Variants in KAT5 observed in about 807,000 individuals in gnomAD.
KAT5 encodes histone acetyltransferase KAT5.
KAT5 carries 31 observed loss-of-function variants against 68.1 expected under a neutral mutation model. That is an observed-to-expected ratio of 0.46 (90% CI 0.34 to 0.61). KAT5 has a LOEUF of 0.61. Ranked by LOEUF, KAT5 falls within the 20% of genes least tolerant of loss-of-function variation. The pLI is 0.01. For missense variants in KAT5, 451 were observed against 725.5 expected, an observed-to-expected ratio of 0.62 and a Z score of 4.35; for synonymous variants, 365 against 292.6, an observed-to-expected ratio of 1.25 and a Z score of -2.52.
Position 65,715,144 on chromosome 11 carries a change from A to G in KAT5, c.1029+234A>G, listed in dbSNP as rs1025902569. ...TCTAGCTCCCAGTGTCCTAAGTGTCATGAAACAGAGGGTAGGTTAGCAGGA... is the reference window on the plus strand; with the variant it reads ...TCTAGCTCCCAGTGTCCTAAGTGTCGTGAAACAGAGGGTAGGTTAGCAGGA... On this transcript the variant is annotated intron_variant, in intron 8 of 12. Transcript: ENST00000341318. The G allele has an allele frequency of 9.2e-6, 5 of 543,330 alleles. No individual in the cohort carries two copies. In the African/African-American group the frequency reaches 9.5e-5, roughly 10 times the overall value. 33.7% of individuals were successfully genotyped at this position (543,330 alleles called of 1,614,324 possible).
rs781216718 is a variant in KAT5 at position 65,712,736 on chromosome 11, C to G, written c.179-30C>G. The G allele has an allele frequency of 2.2e-5, 36 of 1,612,520 alleles. No individual in the cohort carries two copies. In the South Asian group the frequency reaches 3.5e-4, roughly 16 times the overall value. On this transcript the variant is annotated intron_variant, in intron 1 of 12. Transcript: ENST00000341318. ...GGTGGAGTCTCATAGCCTGGCCTGTCTAAGGCCCCTGTCTATGCTATTCTC... is the reference window on the plus strand; with the variant it reads ...GGTGGAGTCTCATAGCCTGGCCTGTGTAAGGCCCCTGTCTATGCTATTCTC...
intron 8 of KAT5, 74 bp from the exon 9 acceptor site, chr11:65,716,593 C>A: frequency 1.4e-6 from 2 of 1,445,108 alleles, no homozygotes; most frequent in Non-Finnish European, 9.5e-7. Context: ...CAGTGAAGCT[C>A]CTGGTTGACC....
At chr11:65,715,693 A>G (rs1008446716) in intron 8 of KAT5, among the ~76,000 whole-genome samples, 1 of 151,944 alleles carries the variant, frequency 6.6e-6, no homozygotes, top group African/African-American at 2.4e-5. Context: ...CCCAGGAGGC[A>G]GAGTTTGCAG....
intron 8 of KAT5, 195 bp downstream of exon 8, chr11:65,715,105 T>A: frequency 1.7e-6 from 1 of 605,254 alleles, no homozygotes; most frequent in Non-Finnish European, 3.0e-6. Context: ...GGAGAGACAG[T>A]CATACCAATG....
chr11:65,715,488 C>T (rs560774882), intron 8 of KAT5, among the ~76,000 whole-genome samples: 39 of 152,242 alleles, frequency 2.6e-4, no homozygotes, highest in African/African-American at 7.7e-4. Flanking sequence ...GGGCTGGGCA[C>T]GGTGGCTCAC....
intron 10 of KAT5, chr11:65,717,222 A>G (rs1857227939): frequency 3.4e-6 from 2 of 581,856 alleles, no homozygotes; most frequent in Admixed American, 3.0e-5. Context: ...AGTGCCACTC[A>G]GCTTTCCCCA....
intron 10 of KAT5, 71 bp from the exon 11 acceptor site, chr11:65,718,517 AAC>A (rs1423609783): frequency 6.5e-7 from 1 of 1,527,102 alleles, no homozygotes; most frequent in Non-Finnish European, 8.9e-7. Flanking sequence ...CTGCCTTGGC[AAC>A]CTGTGTTTTT....
At chr11:65,713,090 C>G (rs200440612) in intron 3 of KAT5, 32 bp downstream of exon 3, 1 of 1,611,302 alleles carries the variant, frequency 6.2e-7, no homozygotes, top group South Asian at 1.1e-5. Flanking sequence ...CCTTTTCTCT[C>G]CTGCCTCCTA....
chr11:65,717,228 C>A, intron 10 of KAT5: 1 of 578,458 alleles, frequency 1.7e-6, no homozygotes. Flanking sequence ...ACTCAGCTTT[C>A]CCCAAATCTG....
At position 65,714,608 on chromosome 11, in the gene KAT5, T is replaced by C; in HGVS notation, c.804T>C (p.Ile268=). Residue 268 remains isoleucine, a synonymous_variant, in exon 7 of 13, where the codon ATT becomes ATC. Coordinates refer to ENST00000341318, the MANE Select transcript of KAT5 (RefSeq NM_182710.3). ...IVTRMKNIEC[I]ELGRHRLKPW... ...CCCGGATGAAGAACATTGAGTGCAT[T>C]GAGCTGGGCCGGCACCGCCTCAAGC... is the stretch of plus-strand genomic sequence containing the variant. The C allele has an allele frequency of 6.2e-7, 1 of 1,614,102 alleles. No individual in the cohort carries two copies. The highest frequency in any genetic ancestry group is 8.5e-7 in the Non-Finnish European group (1 of 1,179,956).
At chr11:65,718,470 C>T in intron 10 of KAT5, 120 bp from the exon 11 acceptor site, 1 of 991,124 alleles carries the variant, frequency 1.0e-6, no homozygotes, top group Non-Finnish European at 1.5e-6. Context: ...GGGCATAGAA[C>T]TGCCAAGTGG....
At chr11:65,713,205 C>T (rs1172012729) in intron 3 of KAT5, 143 bp from the exon 4 acceptor site, 2 of 1,314,496 alleles carry the variant, frequency 1.5e-6, no homozygotes, top group Non-Finnish European at 1.1e-6. Flanking sequence ...GCACATGTAG[C>T]TCCCAGAGTC....
chr11:65,714,394 G>A lies in KAT5; in HGVS notation c.691-101G>A. 4 of 1,360,088 alleles carry A rather than the reference G, an allele frequency of 2.9e-6. No homozygotes were observed. In the South Asian group the frequency reaches 3.9e-5, roughly 13 times the overall value. 84.3% of individuals were successfully genotyped at this position (1,360,088 alleles called of 1,614,324 possible). A position where few individuals can be genotyped will look rare whatever the true frequency, so the allele number is the denominator to read the frequency against. ...GGGATCATGGTACCTCCCCCTTAGGGTTGCTGTTAGGCTTGAAGGAAACCT... is the reference window on the plus strand; with the variant it reads ...GGGATCATGGTACCTCCCCCTTAGGATTGCTGTTAGGCTTGAAGGAAACCT... On this transcript the variant is annotated intron_variant, in intron 6 of 12. Coordinates refer to ENST00000341318, the MANE Select transcript of KAT5 (RefSeq NM_182710.3).
At chr11:65,718,510 C>T in intron 10 of KAT5, 80 bp from the exon 11 acceptor site, 14 of 1,485,344 alleles carry the variant, frequency 9.4e-6, no homozygotes, top group Non-Finnish European at 1.3e-5. Context: ...AGGCAGCCTG[C>T]CTTGGCAACC....
intron 5 of KAT5, 40 bp downstream of exon 5, chr11:65,713,707 C>G: frequency 6.2e-7 from 1 of 1,613,584 alleles, no homozygotes; most frequent in Non-Finnish European, 8.5e-7. Context: ...TTCCTCTCTT[C>G]TACTCTCTGG....
rs767056692 is a variant in KAT5, at chr11:65,713,368, C to A, written c.405C>A (p.Ser135Arg). The change falls in exon 4 of 13, where the codon AGC becomes AGA. Residue 135 changes from serine to arginine, a missense_variant. Physicochemically the swap from Ser to Arg is moderately radical, Grantham distance 110 (BLOSUM62 -1). Coordinates refer to ENST00000341318, the MANE Select transcript of KAT5 (RefSeq NM_182710.3). The stretch of plus-strand genomic sequence containing the variant: ...TACAGCCGGCCTCGGCGCAGGCCAG[C>A]GGGAAGACCTTGCCAATCCCGGTCC... ...EREVPASAQASGKTLPIPVQI... is the reference protein window; with the variant it reads ...EREVPASAQARGKTLPIPVQI... 3 of 1,613,848 alleles carry A rather than the reference C, an allele frequency of 1.9e-6. No homozygotes were observed. Among genetic ancestry groups the A allele is most frequent in the African/African-American group, 1.3e-5 (1 of 74,852 alleles).
intron 10 of KAT5, chr11:65,717,605 C>G (rs541226313): frequency 1.3e-5 from 2 of 157,326 alleles, no homozygotes; most frequent in Admixed American, 1.2e-4. Context: ...CAAGCTCTGA[C>G]CTGAGAAACA....
chr11:65,712,234 A>T, upstream of KAT5: 2 of 1,398,698 alleles, frequency 1.4e-6, no homozygotes, highest in Non-Finnish European at 1.9e-6. Flanking sequence ...GACGTCTCCC[A>T]GAGGGGCCGG....
Position 65,714,360 on chromosome 11 carries a change from TG to T in KAT5, c.691-133del, listed in dbSNP as rs1188485978. 3.0e-6 allele frequency: 3 copies of T among 1,014,910 alleles called. No individual in the cohort carries two copies. The East Asian group carries it at 7.3e-5, about 25-fold the overall frequency. The allele number at this position is 1,014,910 out of a possible 1,614,324, so 62.9% of individuals were successfully genotyped here. On this transcript the variant is annotated intron_variant, in intron 6 of 12. Transcript: ENST00000341318. Reference sequence around the variant, plus strand: ...CCTTTAGGGTTTCAGGTTTTTTATCTGGAAATTGGGGATCATGGTACCTCCC... The same window carrying T: ...CCTTTAGGGTTTCAGGTTTTTTATCTGAAATTGGGGATCATGGTACCTCCC...
Sources: allele counts gnomAD v4.1 joint callset (sites outside exome capture counted in the v4.1 genomes callset), GRCh38; gene constraint gnomAD v4.1.1; transcripts MANE v1.5; gene names NCBI Gene and HGNC (gene_info 2026-07-23, HGNC 2026-07-21).